The following TRPM3 variants were observed in gnomAD, a reference collection of about 807,000 sequenced individuals.
The protein encoded by TRPM3 is long transient receptor potential channel 3.
TRPM3 carries 77 observed loss-of-function variants against 181.2 expected under a neutral mutation model. The ratio of observed to expected loss-of-function variants is 0.42; its 90% CI spans 0.35 to 0.51. TRPM3 has a LOEUF of 0.51. Among genes scored for constraint, TRPM3 ranks in the 20% least tolerant of loss-of-function variants. TRPM3 has a pLI of 0.01. For synonymous variants in TRPM3, 745 were observed against 796.4 expected (o/e 0.94, Z 1.09); for missense variants, 1,759 against 2,196.7 (o/e 0.80, Z 3.98).
chr9:70,681,080 T>G (rs190053198), intron 9 of TRPM3, among the ~76,000 whole-genome samples: 2 of 146,322 alleles, frequency 1.4e-5, no homozygotes, highest in African/African-American at 4.9e-5. Flanking sequence ...ATTTTCCATT[T>G]TAATATACTA....
upstream of TRPM3, among the ~76,000 whole-genome samples, chr9:71,124,706 C>A (rs1209848787): frequency 6.6e-6 from 1 of 152,172 alleles, no homozygotes; most frequent in African/African-American, 2.4e-5. Flanking sequence ...TTGAAGACCA[C>A]GTTCCTTCTC....
upstream of TRPM3, among the ~76,000 whole-genome samples, chr9:71,124,741 A>G (rs1034509375): frequency 2.4e-4 from 36 of 152,112 alleles, no homozygotes; most frequent in African/African-American, 8.0e-4. Flanking sequence ...CACCCTCAAT[A>G]TAGTATTGTA....
intron 9 of TRPM3, among the ~76,000 whole-genome samples, chr9:70,647,314 C>T (rs1187285107): frequency 1.3e-5 from 2 of 152,136 alleles, no homozygotes; most frequent in Admixed American, 6.5e-5. Context: ...CAAGCTGAAT[C>T]CAGCAGCACA....
At position 71,107,769 on chromosome 9, in the gene TRPM3, CT is replaced by C. The variant is rs369535401; in HGVS notation, c.177+13408del. Among the ~76,000 whole-genome samples the C allele has an allele frequency of 2.6e-4, 39 of 152,296 alleles. No homozygotes were observed. The East Asian group carries it at 7.3e-3, about 29-fold the overall frequency. Reference sequence around the variant, plus strand: ...AAACTTCAATGAAAGCAGGAACATTCTGTTGAAATATTAATAATCTTTTATT... The same window carrying C: ...AAACTTCAATGAAAGCAGGAACATTCGTTGAAATATTAATAATCTTTTATT... On this transcript the variant is annotated intron_variant, in intron 1 of 25. Transcript: ENST00000677713.
chr9:70,699,649 A>C (rs2071753713), intron 8 of TRPM3, among the ~76,000 whole-genome samples: 1 of 152,162 alleles, frequency 6.6e-6, no homozygotes. Flanking sequence ...TAAGCTGATA[A>C]GTGACAGAAT....
chr9:70,799,074 A>G (rs984411912), intron 6 of TRPM3, among the ~76,000 whole-genome samples: 3 of 152,242 alleles, frequency 2.0e-5, no homozygotes, highest in Non-Finnish European at 4.4e-5. Context: ...GCGACAAAGT[A>G]TCTCGGTCAC....
At chr9:70,577,798 C>T (rs1316990083) in intron 22 of TRPM3, among the ~76,000 whole-genome samples, 2 of 152,140 alleles carry the variant, frequency 1.3e-5, no homozygotes, top group Non-Finnish European at 2.9e-5. Flanking sequence ...TGGTGTCCCC[C>T]GCCCTGTATA....
At chr9:71,083,264 A>T (rs1000455834) in intron 1 of TRPM3, among the ~76,000 whole-genome samples, 1 of 152,134 alleles carries the variant, frequency 6.6e-6, no homozygotes, top group African/African-American at 2.4e-5. Flanking sequence ...ATGGATCAGG[A>T]ACTACCCTGG....
intron 1 of TRPM3, among the ~76,000 whole-genome samples, chr9:71,034,962 A>G (rs901029465): frequency 2.0e-5 from 3 of 150,944 alleles, no homozygotes; most frequent in South Asian, 2.1e-4. Context: ...GTCAAAATAT[A>G]TAATTTTTTT....
chr9:70,761,703 C>T lies in TRPM3; in HGVS notation c.1170G>A (p.Arg390=), dbSNP rs778605020. 2 of 1,611,678 alleles carry T rather than the reference C, an allele frequency of 1.2e-6. No homozygotes were observed. Among genetic ancestry groups the T allele is most frequent in the Non-Finnish European group, 1.7e-6 (2 of 1,178,186 alleles). The change falls in exon 8 of 26, where the codon AGG becomes AGA. Residue 390 remains arginine, a synonymous_variant. Transcript: ENST00000677713. ...EEGGLINESL[R]DQLLVTIQKT... is the part of the protein sequence containing the mutation. ...TCTGTATAGTCACCAACAGCTGGTC[C>T]CTCAAAGATTCATTTATCAGTCTGC...
At chr9:70,781,413 G>A (rs1294524931) in intron 7 of TRPM3, among the ~76,000 whole-genome samples, 1 of 151,602 alleles carries the variant, frequency 6.6e-6, no homozygotes, top group South Asian at 2.1e-4. Flanking sequence ...GTAGGAAAAG[G>A]GAAAGAATCC....
chr9:71,171,863 T>G lies in TRPM3; in HGVS notation c.183+274790A>C, dbSNP rs192678578. 3.3e-5 allele frequency among the ~76,000 whole-genome samples: 5 copies of G among 150,788 alleles called. No individual in the cohort carries two copies. In the Admixed American group the frequency reaches 3.3e-4, roughly 10 times the overall value. On this transcript the variant is annotated intron_variant, in intron 1 of 24. Coordinates refer to the TRPM3 transcript ENST00000357533. ...GATTGGCACCACATAAGGCTTTTTATTATTATTTATTTTGGAGGGGGAGGG... is the reference window on the plus strand; with the variant it reads ...GATTGGCACCACATAAGGCTTTTTAGTATTATTTATTTTGGAGGGGGAGGG...
Position 70,814,041 on chromosome 9 carries a change from G to A in TRPM3, c.973+13806C>T, listed in dbSNP as rs377223406. On this transcript the variant is annotated intron_variant, in intron 6 of 25. Coordinates refer to ENST00000677713, the MANE Select transcript of TRPM3 (RefSeq NM_001366145.2). ...CACCAGCAAATACAGTAGAGAAAGC[G>A]CTTAATAAAAAGTACTGTCAAGAGA... Among the ~76,000 whole-genome samples, 17 of 152,258 alleles carry A rather than the reference G, an allele frequency of 1.1e-4. No homozygotes were observed. The South Asian group carries it at 2.5e-3, about 22-fold the overall frequency.
chr9:71,207,641 A>T lies in TRPM3; in HGVS notation c.183+239012T>A, dbSNP rs192750937. Among the ~76,000 whole-genome samples, 328 of 152,256 alleles carry T rather than the reference A, an allele frequency of 2.2e-3. 1 individual carries two copies. The highest frequency in any genetic ancestry group is 6.5e-3 in the Admixed American group (100 of 15,292). On this transcript the variant is annotated intron_variant, in intron 1 of 24. Transcript: ENST00000357533. The stretch of plus-strand genomic sequence containing the variant: ...TGGCACTGCATAGTATAGTACTATA[A>T]ATTCTCCACACAGTAATGAATAATG...
Position 71,361,207 on chromosome 9 carries a change from G to C in TRPM3, c.183+85446C>G, listed in dbSNP as rs377360595. The stretch of plus-strand genomic sequence containing the variant: ...TCACCATGTTGGCCAGGCTGGTCTT[G>C]AACTCCTGACCTCAGGTGATCCGCC... On this transcript the variant is annotated intron_variant, in intron 1 of 24. Transcript: ENST00000357533. 4.9e-4 allele frequency among the ~76,000 whole-genome samples: 75 copies of C among 152,214 alleles called. 1 individual carries two copies. The highest frequency in any genetic ancestry group is 1.8e-3 in the African/African-American group (75 of 41,534).
intron 1 of TRPM3, among the ~76,000 whole-genome samples, chr9:71,100,498 C>T (rs945509958): frequency 5.9e-5 from 9 of 152,080 alleles, no homozygotes; most frequent in Non-Finnish European, 1.2e-4. Flanking sequence ...TTCTAGTTCC[C>T]TTAACTATGA....
intron 1 of TRPM3, among the ~76,000 whole-genome samples, chr9:71,446,295 CACAG>C (rs2094202706): frequency 6.6e-6 from 1 of 152,142 alleles, no homozygotes; most frequent in African/African-American, 2.4e-5. Context: ...CGACATGCTG[CACAG>C]ACAGACCCTT....
intron 1 of TRPM3, among the ~76,000 whole-genome samples, chr9:71,260,749 G>A (rs2082992378): frequency 6.6e-6 from 1 of 152,192 alleles, no homozygotes; most frequent in South Asian, 2.1e-4. Flanking sequence ...AGACTTTGCT[G>A]AAGTTGCTTA....
At chr9:71,136,224 T>C (rs999353914) in intron 1 of TRPM3, among the ~76,000 whole-genome samples, 1 of 152,230 alleles carries the variant, frequency 6.6e-6, no homozygotes, top group Non-Finnish European at 1.5e-5. Flanking sequence ...ACCTCTTAGA[T>C]AAGCTGAAAA....
Sources: gnomAD v4.1 joint callset for allele counts (sites outside exome capture counted in the v4.1 genomes callset) on GRCh38, gnomAD v4.1.1 for gene constraint, MANE v1.5 for transcripts, NCBI Gene and HGNC (gene_info 2026-07-23, HGNC 2026-07-21) for gene names.